CYP2F1: variants seen among roughly 807,000 people sequenced by gnomAD.
CYP2F1 encodes the protein cytochrome P450 2F1.
CYP2F1 carries 33 observed loss-of-function variants against 40.4 expected under a neutral mutation model. The ratio of observed to expected loss-of-function variants is 0.82; its 90% confidence interval spans 0.62 to 1.09. The LOEUF is 1.09. Among genes scored for constraint, CYP2F1 ranks in the 50% least tolerant of loss-of-function variants. The pLI, the probability that CYP2F1 is intolerant of heterozygous loss-of-function variation, is 0.00. For synonymous variants in CYP2F1, 235 were observed against 277.2 expected (o/e 0.85, Z 1.51); for missense variants, 566 against 655.7 (o/e 0.86, Z 1.49).
At chr19:41,123,137 G>C (rs1291063534) in intron 7 of CYP2F1, 174 bp downstream of exon 7, 1 of 752,526 alleles carries the variant, frequency 1.3e-6, no homozygotes, top group Admixed American at 2.0e-5. Context: ...GGCCCATGAG[G>C]TCCATGCAGC....
chr19:41,117,612 TCCTCATCCTA>T (rs900623637), intron 3 of CYP2F1, among the ~76,000 whole-genome samples: 32 of 152,050 alleles, frequency 2.1e-4, no homozygotes, highest in Non-Finnish European at 1.9e-4. Context: ...CTATCAATCC[TCCTCATCCTA>T]CCCAACTCCA....
At chr19:41,125,083 C>A in intron 8 of CYP2F1, 177 bp downstream of exon 8, 1 of 608,634 alleles carries the variant, frequency 1.6e-6, no homozygotes, top group Non-Finnish European at 2.8e-6. Context: ...AGGCCTTTGC[C>A]AGGACCCCAT....
chr19:41,125,173 G>T, intron 8 of CYP2F1: 1 of 575,196 alleles, frequency 1.7e-6, no homozygotes, highest in South Asian at 2.6e-5. Context: ...CTGGGGTCTG[G>T]AACTTCATCT....
At chr19:41,121,147 G>C (rs1228612869) in intron 4 of CYP2F1, among the ~76,000 whole-genome samples, 2 of 152,046 alleles carry the variant, frequency 1.3e-5, no homozygotes, top group Non-Finnish European at 2.9e-5. Flanking sequence ...GTTGTGTTCC[G>C]TGATGCCTGA....
Position 41,119,683 on chromosome 19 carries a change from G to GTCTCTC in CYP2F1, c.335-628_335-623dup, listed in dbSNP as rs1159535426. 9.0e-3 allele frequency among the ~76,000 whole-genome samples: 121 copies of GTCTCTC among 13,394 alleles called. 2 individuals are homozygous for GTCTCTC. Among genetic ancestry groups the GTCTCTC allele is most frequent in the African/African-American group, 0.013 (51 of 3,920 alleles). The allele number at this position is 13,394 out of a possible 152,430, so 8.8% of individuals were successfully genotyped here. ...CAGCCTGGCAACAGAGCAAGACTCCGTCTCTCTCTCTCTCTCTCTCTCTCT... is the reference window on the plus strand; with the variant it reads ...CAGCCTGGCAACAGAGCAAGACTCCGTCTCTCTCTCTCTCTCTCTCTCTCTCTCTCT... On this transcript the variant is annotated intron_variant, in intron 3 of 9. Transcript: ENST00000331105.
At chr19:41,125,675 C>A in intron 9 of CYP2F1, 41 bp downstream of exon 9, 1 of 1,613,958 alleles carries the variant, frequency 6.2e-7, no homozygotes, top group Non-Finnish European at 8.5e-7. Flanking sequence ...CAATTTCTAC[C>A]TACATTCCTC....
Position 41,121,447 on chromosome 19 carries a change from C to CT in CYP2F1, c.485-9dup. The CT allele has an allele frequency of 6.2e-7, 1 of 1,606,772 alleles. No individual in the cohort carries two copies. The highest frequency in any genetic ancestry group is 8.5e-7 in the Non-Finnish European group (1 of 1,178,712). On this transcript the variant is annotated splice_polypyrimidine_tract_variant and intron_variant, in intron 4 of 9. Coordinates refer to ENST00000331105, the MANE Select transcript of CYP2F1 (RefSeq NM_000774.5). ...CGCGTCTTCCTGATCCATTGCACTC[C>CT]TTACCCTCAGGCGAGCCCTTTGACC...
chr19:41,115,826 T>C (rs1307959681), intron 1 of CYP2F1, among the ~76,000 whole-genome samples: 3 of 152,058 alleles, frequency 2.0e-5, no homozygotes, highest in Non-Finnish European at 4.4e-5. Context: ...GAGTGATAGA[T>C]GATAGATGGC....
intron 3 of CYP2F1, 112 bp downstream of exon 3, chr19:41,116,729 C>A: frequency 8.4e-7 from 1 of 1,197,038 alleles, no homozygotes; most frequent in Non-Finnish European, 1.2e-6. Flanking sequence ...GCTGACATCA[C>A]TGATGACACC....
Position 41,124,738 on chromosome 19 carries a change from C to A in CYP2F1, c.984C>A (p.Ile328=). 1 of 1,603,662 alleles carries A rather than the reference C, an allele frequency of 6.2e-7. No homozygotes were observed. Among genetic ancestry groups the A allele is most frequent in the Non-Finnish European group, 8.5e-7 (1 of 1,179,312 alleles). ...PKVQARVQEE[I]DLVVGRARLP... ...CTCCAGCCCGCGTGCAGGAGGAGAT[C>A]GACCTCGTGGTGGGACGCGCGCGGC... The change falls in exon 8 of 10, where the codon ATC becomes ATA. Residue 328 remains isoleucine (I), a synonymous_variant. Transcript: ENST00000331105.
intron 1 of CYP2F1, among the ~76,000 whole-genome samples, chr19:41,115,691 T>TGATAGATA (rs372216849): frequency 1.3e-5 from 2 of 151,412 alleles, no homozygotes; most frequent in African/African-American, 4.9e-5. Flanking sequence ...AGATGATAGA[T>TGATAGATA]GATAGATAGA....
In CYP2F1 at chr19:41,116,373, A is replaced by G. The variant is rs1389561068; in HGVS notation, c.171+14A>G. 2 of 1,612,986 alleles carry G rather than the reference A, an allele frequency of 1.2e-6. No individual in the cohort carries two copies. Among genetic ancestry groups the G allele is most frequent in the East Asian group, 2.2e-5 (1 of 44,860 alleles). On this transcript the variant is annotated intron_variant, in intron 2 of 9. Coordinates refer to ENST00000331105, the MANE Select transcript of CYP2F1 (RefSeq NM_000774.5). ...TCTCTCACTAAGGTGCAAGGCCCTT[A>G]GCTTGGGTGATGGTGGAAGGATAAG...
At position 41,124,777 on chromosome 19, in the gene CYP2F1, G is replaced by A. The variant is rs774594954; in HGVS notation, c.1023G>A (p.Lys341=). 4 of 1,609,322 alleles carry A rather than the reference G, an allele frequency of 2.5e-6. No individual in the cohort carries two copies. The highest frequency in any genetic ancestry group is 1.7e-5 in the Admixed American group (1 of 59,908). ...VVGRARLPAL[K]DRAAMPYTDA... ...GACGCGCGCGGCTGCCGGCGCTGAA[G>A]GACCGCGCGGCCATGCCTTACACAG... Residue 341 remains lysine (K), a synonymous_variant, in exon 8 of 10, where the codon AAG becomes AAA. Coordinates refer to ENST00000331105, the MANE Select transcript of CYP2F1 (RefSeq NM_000774.5).
chr19:41,119,748 TACACAC>T (rs147688839), intron 3 of CYP2F1, among the ~76,000 whole-genome samples: 604 of 36,006 alleles, frequency 0.017, 14 homozygotes, highest in Non-Finnish European at 0.017. Flanking sequence ...TATATATATA[TACACAC>T]ACACACACAC....
At chr19:41,121,318 GT>G (rs1221123540) in intron 4 of CYP2F1, 139 bp from the exon 5 acceptor site, 4 of 870,742 alleles carry the variant, frequency 4.6e-6, no homozygotes, top group Non-Finnish European at 5.3e-6. Context: ...GCAGCATGTT[GT>G]GACCATGTCC....
At chr19:41,116,079 T>G (rs1373857683) in intron 1 of CYP2F1, 99 bp from the exon 2 acceptor site, 1 of 1,157,384 alleles carries the variant, frequency 8.6e-7, no homozygotes, top group African/African-American at 1.6e-5. Flanking sequence ...TCTCTCCATC[T>G]GCCTTCATTT....
At chr19:41,119,744 T>TACACACACAC (rs1354298472) in intron 3 of CYP2F1, among the ~76,000 whole-genome samples, 6 of 63,902 alleles carry the variant, frequency 9.4e-5, no homozygotes, top group African/African-American at 2.9e-4. Context: ...TATATATATA[T>TACACACACAC]ATATACACAC....
chr19:41,127,290 C>T (rs1478845176), intron 9 of CYP2F1, among the ~76,000 whole-genome samples: 1 of 152,168 alleles, frequency 6.6e-6, no homozygotes, highest in African/African-American at 2.4e-5. Context: ...ACTGCTTTCC[C>T]TGTGTTTACC....
In CYP2F1 at chr19:41,116,610, G is replaced by A. The variant is rs781435044; in HGVS notation, c.327G>A (p.Lys109=). ...GDYPAFFNFT[K]GNGIAFSSGD... ...ACCCTGCCTTTTTCAACTTTACCAA[G>A]GGCAATGGTAAGCCTCGTCCTTGTC... Residue 109 remains lysine, a synonymous_variant, in exon 3 of 10, where the codon AAG becomes AAA. Transcript: ENST00000331105. 1.1e-5 allele frequency: 18 copies of A among 1,613,770 alleles called. No individual in the cohort carries two copies. In the South Asian group the frequency reaches 2.0e-4, roughly 18 times the overall value.
Sources: allele counts gnomAD v4.1 joint callset (sites outside exome capture counted in the v4.1 genomes callset), GRCh38; gene constraint gnomAD v4.1.1; transcripts MANE v1.5; gene names NCBI Gene and HGNC (gene_info 2026-07-23, HGNC 2026-07-21).